Variants in DNAH11 observed in about 807,000 individuals in gnomAD.
DNAH11 encodes dynein axonemal heavy chain 11.
Under a neutral mutation model 526.0 loss-of-function variants are expected in DNAH11, and 442 were observed. The ratio of observed to expected loss-of-function variants is 0.84; its 90% CI spans 0.78 to 0.91. The LOEUF is 0.91. DNAH11 is among the 40% of genes least tolerant of loss of function. The pLI is 0.00. For missense variants in DNAH11, 6,989 were observed against 5,448.7 expected (o/e 1.28, Z -8.90); for synonymous variants, 2,461 against 1,935.9 (o/e 1.27, Z -7.12).
In DNAH11 at chr7:21,720,860, T is replaced by C. The variant is rs1487948780; in HGVS notation, c.7266+4T>C. On this transcript the variant is annotated splice_donor_region_variant and intron_variant, in intron 44 of 81. Coordinates refer to ENST00000409508, the MANE Select transcript of DNAH11 (RefSeq NM_001277115.2). ...AGGCACCCTGCTACAAGATCAGGTA[T>C]GTTTAGAAATAGTTTACAGGACCAG... 6.2e-7 allele frequency: 1 copy of C among 1,611,236 alleles called. No individual in the cohort carries two copies. The highest frequency in any genetic ancestry group is 2.2e-5 in the East Asian group (1 of 44,788).
At chr7:21,731,940 A>T (rs1287848802) in intron 45 of DNAH11, among the ~76,000 whole-genome samples, 1 of 152,146 alleles carries the variant, frequency 6.6e-6, no homozygotes, top group Non-Finnish European at 1.5e-5. Context: ...ACTGTTGTTA[A>T]TCTCTTAGTG....
chr7:21,890,881 T>G (rs1784303225), intron 76 of DNAH11, among the ~76,000 whole-genome samples: 1 of 152,142 alleles, frequency 6.6e-6, no homozygotes, highest in South Asian at 2.1e-4. Flanking sequence ...TCTGGCAATA[T>G]GAAGGATTAG....
chr7:21,773,246 T>C (rs1787516876), intron 55 of DNAH11, among the ~76,000 whole-genome samples: 1 of 152,158 alleles, frequency 6.6e-6, no homozygotes, highest in Non-Finnish European at 1.5e-5. Context: ...GAAATGATCA[T>C]GATATTTTTC....
chr7:21,558,310 G>A (rs749463197), intron 2 of DNAH11, among the ~76,000 whole-genome samples: 2 of 152,230 alleles, frequency 1.3e-5, no homozygotes, highest in East Asian at 1.9e-4. Context: ...GATGTTTCCC[G>A]TTTCATGGTA....
chr7:21,657,128 T>A (rs1348581747), intron 29 of DNAH11, among the ~76,000 whole-genome samples: 1 of 152,302 alleles, frequency 6.6e-6, no homozygotes, highest in East Asian at 1.9e-4. Context: ...ATATACAAAT[T>A]CACCCTCTAA....
At chr7:21,673,650 C>A (rs1782733746) in intron 30 of DNAH11, among the ~76,000 whole-genome samples, 1 of 152,096 alleles carries the variant, frequency 6.6e-6, no homozygotes, top group Non-Finnish European at 1.5e-5. Flanking sequence ...CTTGCTCATT[C>A]CCATCAGTAA....
At chr7:21,834,353 T>C (rs1781908649) in intron 65 of DNAH11, among the ~76,000 whole-genome samples, 1 of 152,114 alleles carries the variant, frequency 6.6e-6, no homozygotes, top group Non-Finnish European at 1.5e-5. Flanking sequence ...CAAAAGCAGT[T>C]CTAAGAGGGA....
intron 25 of DNAH11, among the ~76,000 whole-genome samples, chr7:21,635,335 T>C (rs1429682571): frequency 6.6e-6 from 1 of 152,180 alleles, no homozygotes. Flanking sequence ...TTCTTGTATT[T>C]TTAGTAGAGA....
Position 21,543,531 on chromosome 7 carries a change from A to G in DNAH11, c.286A>G (p.Ser96Gly), listed in dbSNP as rs995927629. 4 of 1,610,018 alleles carry G rather than the reference A, an allele frequency of 2.5e-6. No homozygotes were observed. The highest frequency in any genetic ancestry group is 1.3e-5 in the African/African-American group (1 of 74,904). The change falls in exon 1 of 82, where the codon AGC (serine) becomes GGC (glycine). Residue 96 changes from serine (S) to glycine (G), a missense_variant. Physicochemically the swap from Ser to Gly is moderately conservative, Grantham distance 56. Coordinates refer to ENST00000409508, the MANE Select transcript of DNAH11 (RefSeq NM_001277115.2). ...NRQVLGEFLE[S>G]TSPACLVFSF... ...GCAGGTTCTTGGGGAGTTTCTGGAA[A>G]GCACCAGCCCGGCTTGCCTTGTGTT...
At chr7:21,774,731 C>T (rs1416162201) in intron 56 of DNAH11, among the ~76,000 whole-genome samples, 2 of 152,128 alleles carry the variant, frequency 1.3e-5, no homozygotes, top group Non-Finnish European at 2.9e-5. Flanking sequence ...CATGAGTTGT[C>T]CATGGCACTG....
At chr7:21,749,281 A>C (rs573345093) in intron 52 of DNAH11, among the ~76,000 whole-genome samples, 1 of 152,254 alleles carries the variant, frequency 6.6e-6, no homozygotes, top group Non-Finnish European at 1.5e-5. Context: ...AAAAAATCAC[A>C]TATTTTTAAT....
At chr7:21,627,270 G>C (rs1233942911) in intron 25 of DNAH11, among the ~76,000 whole-genome samples, 8 of 152,070 alleles carry the variant, frequency 5.3e-5, no homozygotes, top group Non-Finnish European at 4.4e-5. Context: ...GAAGCATTTT[G>C]TCTTGGCATG....
chr7:21,850,608 C>CTTTTTTTTTTTTTTTT (rs3062635), intron 66 of DNAH11, among the ~76,000 whole-genome samples: 4 of 62,656 alleles, frequency 6.4e-5, no homozygotes, highest in East Asian at 5.2e-4. Context: ...CTGTCTTCTT[C>CTTTTTTTTTTTTTTTT]TTTTTTTTTT....
intron 18 of DNAH11, 78 bp downstream of exon 18, chr7:21,601,696 T>A: frequency 1.8e-6 from 2 of 1,095,234 alleles, no homozygotes; most frequent in Non-Finnish European, 2.5e-6. Flanking sequence ...ATGTACTCTC[T>A]TATGATGTCC....
chr7:21,816,478 A>T lies in DNAH11; in HGVS notation c.10344A>T (p.Pro3448=). ...CTCTGATTTTAAAGGTTTCCATTCC[A>T]CTAACCGAAGGCCTGGACTTGATAT... ...VPFLQQKVSI[P]LTEGLDLISM... Residue 3448 remains proline, a synonymous_variant, in exon 64 of 82, where the codon CCA becomes CCT. Transcript: ENST00000409508. 6.2e-7 allele frequency: 1 copy of T among 1,605,392 alleles called. No homozygotes were observed. Among genetic ancestry groups the T allele is most frequent in the Non-Finnish European group, 8.5e-7 (1 of 1,176,154 alleles).
chr7:21,833,408 A>T (rs1478766338), intron 65 of DNAH11, among the ~76,000 whole-genome samples: 2 of 152,186 alleles, frequency 1.3e-5, no homozygotes. Context: ...AGATGACAGG[A>T]TGGGCTGGGC....
intron 53 of DNAH11, 69 bp downstream of exon 53, chr7:21,749,870 TTAAAG>T: frequency 2.5e-6 from 4 of 1,595,382 alleles, no homozygotes; most frequent in African/African-American, 1.3e-5. Flanking sequence ...TCAGTGAACT[TTAAAG>T]AGAGAGAATT....
chr7:21,561,226 C>A, intron 5 of DNAH11, 56 bp downstream of exon 5: 1 of 1,294,960 alleles, frequency 7.7e-7, no homozygotes, highest in Non-Finnish European at 1.1e-6. Context: ...CATGATCCAG[C>A]CCCTGCCTGC....
intron 14 of DNAH11, 80 bp downstream of exon 14, chr7:21,591,657 G>T: frequency 7.4e-7 from 1 of 1,351,312 alleles, no homozygotes; most frequent in Non-Finnish European, 9.8e-7. Context: ...ACCTAATAAT[G>T]TGGGACTCTT....
Sources: allele counts gnomAD v4.1 joint callset (sites outside exome capture counted in the v4.1 genomes callset), GRCh38; gene constraint gnomAD v4.1.1; transcripts MANE v1.5; gene names NCBI Gene and HGNC (gene_info 2026-07-23, HGNC 2026-07-21).